Variants in TMEM132D observed in about 807,000 individuals in gnomAD.
The protein encoded by TMEM132D is transmembrane protein 132D.
In TMEM132D, 21 loss-of-function variants were observed where a neutral mutation model predicts 62.3. The observed-to-expected ratio is 0.34, with a 90% confidence interval of 0.24 to 0.49. The LOEUF is 0.49. Ranked by LOEUF, TMEM132D falls within the 20% of genes least tolerant of loss-of-function variation. The probability of loss-of-function intolerance (pLI) is 0.99; values close to 1 mark genes in which losing one functional copy is unlikely to be tolerated. For missense variants in TMEM132D, 1,346 were observed against 1,402.8 expected (o/e 0.96, Z 0.65); for synonymous variants, 621 against 575.6 (o/e 1.08, Z -1.13).
chr12:129,074,730 C>G lies in TMEM132D; in HGVS notation c.2445G>C (p.Gly815=), dbSNP rs775099107. The G allele has an allele frequency of 1.9e-6, 3 of 1,613,980 alleles. No homozygotes were observed. Among genetic ancestry groups the G allele is most frequent in the Non-Finnish European group, 2.5e-6 (3 of 1,180,040 alleles). ...NTSDSRHTGA[G]VHMENNVSDR... Reference sequence around the variant, plus strand: ...CACTGACATTGTTTTCCATGTGAACCCCTGCCCCTGTGTGTCTGCTGTCAC... The same window carrying G: ...CACTGACATTGTTTTCCATGTGAACGCCTGCCCCTGTGTGTCTGCTGTCAC... The change falls in exon 9 of 9, where the codon GGG becomes GGC. Residue 815 remains glycine (G), a synonymous_variant. Coordinates refer to ENST00000422113, the MANE Select transcript of TMEM132D (RefSeq NM_133448.3).
chr12:129,743,017 G>A (rs971258061), intron 1 of TMEM132D, among the ~76,000 whole-genome samples: 1 of 152,232 alleles, frequency 6.6e-6, no homozygotes, highest in African/African-American at 2.4e-5. Flanking sequence ...CACTGTGTAA[G>A]GGTCTCAGGG....
At chr12:129,884,862 C>G (rs1331701646) in intron 1 of TMEM132D, among the ~76,000 whole-genome samples, 2 of 152,212 alleles carry the variant, frequency 1.3e-5, no homozygotes, top group African/African-American at 4.8e-5. Context: ...ACAACCAATA[C>G]TAACCACTCT....
intron 1 of TMEM132D, among the ~76,000 whole-genome samples, chr12:129,898,094 A>G (rs1875209738): frequency 6.6e-6 from 1 of 152,130 alleles, no homozygotes; most frequent in Non-Finnish European, 1.5e-5. Context: ...TTATCCTCAT[A>G]AGTCACTCCG....
intron 1 of TMEM132D, among the ~76,000 whole-genome samples, chr12:129,801,300 G>C (rs1461559148): frequency 6.6e-6 from 1 of 151,416 alleles, no homozygotes; most frequent in African/African-American, 2.4e-5. Flanking sequence ...CAGTCTGACA[G>C]CTTTGAAGAG....
intron 3 of TMEM132D, among the ~76,000 whole-genome samples, chr12:129,410,318 C>T (rs181826404): frequency 3.3e-5 from 5 of 151,908 alleles, no homozygotes; most frequent in African/African-American, 4.8e-5. Flanking sequence ...AAGACATACT[C>T]GAGACTGGGT....
chr12:129,103,502 C>A (rs915127750), intron 5 of TMEM132D, among the ~76,000 whole-genome samples: 2 of 152,190 alleles, frequency 1.3e-5, no homozygotes, highest in Non-Finnish European at 2.9e-5. Context: ...CATCCATAAG[C>A]TTCCAAGTTG....
chr12:129,108,769 T>G (rs966908771), intron 5 of TMEM132D, among the ~76,000 whole-genome samples: 1 of 152,230 alleles, frequency 6.6e-6, no homozygotes, highest in African/African-American at 2.4e-5. Context: ...ATATTTTGAT[T>G]AATTGTTTGA....
At chr12:129,657,794 A>G (rs1247261686) in intron 2 of TMEM132D, among the ~76,000 whole-genome samples, 1 of 152,234 alleles carries the variant, frequency 6.6e-6, no homozygotes, top group Non-Finnish European at 1.5e-5. Context: ...TGTTTAACAC[A>G]GGTCACTGAG....
intron 1 of TMEM132D, among the ~76,000 whole-genome samples, chr12:129,729,569 A>G (rs1869154065): frequency 6.6e-6 from 1 of 152,040 alleles, no homozygotes; most frequent in African/African-American, 2.4e-5. Flanking sequence ...TTTTTTTTCC[A>G]GCTCTGAGTC....
intron 3 of TMEM132D, among the ~76,000 whole-genome samples, chr12:129,446,461 G>T (rs1873100295): frequency 6.6e-6 from 1 of 152,204 alleles, no homozygotes; most frequent in South Asian, 2.1e-4. Context: ...CAGGAATTGG[G>T]TCATAGCAGG....
chr12:129,286,338 G>T (rs1294416843), intron 4 of TMEM132D, among the ~76,000 whole-genome samples: 2 of 152,214 alleles, frequency 1.3e-5, no homozygotes, highest in Non-Finnish European at 2.9e-5. Flanking sequence ...ATCTGAAGCT[G>T]TGCTCATCTT....
At chr12:129,700,786 AGAG>A (rs1326089179) in intron 1 of TMEM132D, 88 bp from the exon 2 acceptor site, 1 of 1,441,880 alleles carries the variant, frequency 6.9e-7, no homozygotes, top group Non-Finnish European at 9.2e-7. Flanking sequence ...CCTTCATAAC[AGAG>A]GACCCTGTCT....
chr12:129,091,401 A>T (rs1158265860), intron 5 of TMEM132D, among the ~76,000 whole-genome samples: 1 of 121,474 alleles, frequency 8.2e-6, no homozygotes, highest in Non-Finnish European at 1.8e-5. Flanking sequence ...ACCTTATATA[A>T]GCTCACATGG....
chr12:129,414,827 C>T (rs1872068619), intron 3 of TMEM132D, among the ~76,000 whole-genome samples: 5 of 152,180 alleles, frequency 3.3e-5, no homozygotes, highest in Admixed American at 3.3e-4. Context: ...CACCCCACCG[C>T]CCAGTCTCTG....
rs182750261 is a variant in TMEM132D at position 129,370,350 on chromosome 12, A to G, written c.1116-32533T>C. 1.6e-4 allele frequency among the ~76,000 whole-genome samples: 25 copies of G among 152,282 alleles called. No individual in the cohort carries two copies. In the East Asian group the frequency reaches 4.1e-3, roughly 25 times the overall value. ...TATTTTCACAAATCCATGGTTCCCA[A>G]ATGAGGCCCGCCTGTTTGGTCTTTC... On this transcript the variant is annotated intron_variant, in intron 3 of 8. Coordinates refer to ENST00000422113, the MANE Select transcript of TMEM132D (RefSeq NM_133448.3).
rs1565972138 is a variant in TMEM132D, at chr12:129,125,499, A to ATTTTTTTTTTTTTTTTTTT, written c.1444-40798_1444-40797insAAAAAAAAAAAAAAAAAAA. On this transcript the variant is annotated intron_variant, in intron 5 of 8. Transcript: ENST00000422113. Reference sequence around the variant, plus strand: ...GATGTGACGATGTCGAATTACTATGAGTTTTTTTTTTTTTTTTTTTTTTGA... The same window carrying ATTTTTTTTTTTTTTTTTTT: ...GATGTGACGATGTCGAATTACTATGATTTTTTTTTTTTTTTTTTTGTTTTTTTTTTTTTTTTTTTTTTGA... Among the ~76,000 whole-genome samples the ATTTTTTTTTTTTTTTTTTT allele has an allele frequency of 2.3e-5, 3 of 127,834 alleles. 1 individual carries two copies. Among genetic ancestry groups the ATTTTTTTTTTTTTTTTTTT allele is most frequent in the African/African-American group, 6.0e-5 (2 of 33,240 alleles). 83.9% of individuals were successfully genotyped at this position (127,834 alleles called of 152,430 possible). A position where few individuals can be genotyped will look rare whatever the true frequency, so the allele number is the denominator to read the frequency against.
chr12:129,773,055 G>A lies in TMEM132D; in HGVS notation c.80-72357C>T, dbSNP rs1367983961. ...CAGCGGTTTGTTAGAACAAACAAGG[G>A]GGAAATACAGGCTGCTTTTCTGGGC... On this transcript the variant is annotated intron_variant, in intron 1 of 8. Coordinates refer to ENST00000422113, the MANE Select transcript of TMEM132D (RefSeq NM_133448.3). Among the ~76,000 whole-genome samples the A allele has an allele frequency of 2.6e-5, 4 of 152,172 alleles. No individual in the cohort carries two copies. The South Asian group carries it at 8.3e-4, about 32-fold the overall frequency.
chr12:129,321,598 C>T (rs1868709211), intron 4 of TMEM132D, among the ~76,000 whole-genome samples: 1 of 152,048 alleles, frequency 6.6e-6, no homozygotes, highest in Non-Finnish European at 1.5e-5. Flanking sequence ...ACTCTTTCGC[C>T]CAGGCTGGAG....
chr12:129,727,541 A>G (rs1869081088), intron 1 of TMEM132D, among the ~76,000 whole-genome samples: 1 of 152,188 alleles, frequency 6.6e-6, no homozygotes, highest in Admixed American at 6.5e-5. Context: ...CATAGAAATG[A>G]CCAAAATTAA....
Sources: allele counts gnomAD v4.1 joint callset (sites outside exome capture counted in the v4.1 genomes callset), GRCh38; gene constraint gnomAD v4.1.1; transcripts MANE v1.5; gene names NCBI Gene and HGNC (gene_info 2026-07-23, HGNC 2026-07-21).